The following CMIP variants were observed in gnomAD, a reference collection of about 807,000 sequenced individuals.
The protein encoded by CMIP is C-Maf-inducing protein.
CMIP carries 13 observed loss-of-function variants against 97.3 expected under a neutral mutation model. That is an observed-to-expected ratio of 0.13 (90% CI 0.09 to 0.21). The LOEUF is 0.21. Among genes scored for constraint, CMIP ranks in the 10% least tolerant of loss-of-function variants. The pLI, the probability that CMIP is intolerant of heterozygous loss-of-function variation, is 1.00. For missense variants in CMIP, 847 were observed against 1,024.9 expected, an observed-to-expected ratio of 0.83 and a Z score of 2.37; for synonymous variants, 538 against 436.3, an observed-to-expected ratio of 1.23 and a Z score of -2.91.
chr16:81,500,134 G>A (rs2089570003), intron 1 of CMIP, among the ~76,000 whole-genome samples: 1 of 151,672 alleles, frequency 6.6e-6, no homozygotes, highest in Non-Finnish European at 1.5e-5. Context: ...CCAGCCTCTG[G>A]CGACTTTTAG....
intron 17 of CMIP, 96 bp downstream of exon 17, chr16:81,702,765 G>A: frequency 9.2e-7 from 1 of 1,085,628 alleles, no homozygotes; most frequent in Non-Finnish European, 1.4e-6. Context: ...TGAGATGGGA[G>A]GTGATGGAGG....
chr16:81,456,507 TAC>T (rs1377444985), intron 1 of CMIP, among the ~76,000 whole-genome samples: 3 of 152,198 alleles, frequency 2.0e-5, no homozygotes, highest in Non-Finnish European at 4.4e-5. Flanking sequence ...AGTGAGCACT[TAC>T]CCAGAACCTG....
chr16:81,596,615 C>G (rs1053302559), intron 1 of CMIP, among the ~76,000 whole-genome samples: 8 of 152,092 alleles, frequency 5.3e-5, no homozygotes, highest in African/African-American at 1.9e-4. Flanking sequence ...CCCTGTATCA[C>G]CAACAGCCAG....
At chr16:81,458,937 CCAT>C (rs753646867) in intron 1 of CMIP, among the ~76,000 whole-genome samples, 85 of 137,254 alleles carry the variant, frequency 6.2e-4, no homozygotes, top group African/African-American at 1.6e-3. Flanking sequence ...ATGTTTGCTA[CCAT>C]CATCATCATC....
At chr16:81,571,615 A>G (rs1369262785) in intron 1 of CMIP, among the ~76,000 whole-genome samples, 1 of 149,976 alleles carries the variant, frequency 6.7e-6, no homozygotes, top group Non-Finnish European at 1.5e-5. Flanking sequence ...AAAAAAATTA[A>G]GAAAAGAAAA....
chr16:81,537,081 A>G (rs1437457925), intron 1 of CMIP, among the ~76,000 whole-genome samples: 1 of 152,164 alleles, frequency 6.6e-6, no homozygotes, highest in Non-Finnish European at 1.5e-5. Context: ...TGACTTTAAG[A>G]GTAAGTTGCT....
At chr16:81,664,792 C>G (rs896043274) in intron 7 of CMIP, 16 of 316,662 alleles carry the variant, frequency 5.1e-5, no homozygotes, top group Non-Finnish European at 8.6e-5. Flanking sequence ...GCCAGGTGAT[C>G]AAGGTCAACA....
At chr16:81,631,489 A>G (rs2092158309) in intron 3 of CMIP, 1 of 152,224 alleles carries the variant, frequency 6.6e-6, no homozygotes, top group South Asian at 2.1e-4. Context: ...AAGAGTTACC[A>G]TTCACCTGGG....
chr16:81,678,306 C>G lies in CMIP; in HGVS notation c.1066C>G (p.Arg356Gly). ...RDNSPSLKEI[R>G]NGCQQPCDRK... ...CAATTCCCCAAGCCTGAAGGAAATC[C>G]GGAACGGCTGCCAGCAGCCGTGCGA... Residue 356 changes from arginine (R) to glycine (G), a missense_variant, in exon 10 of 21, where the codon CGG becomes GGG. Arg to Gly is a moderately radical substitution (Grantham distance 125). Transcript: ENST00000537098. The G allele has an allele frequency of 6.2e-7, 1 of 1,606,692 alleles. No individual in the cohort carries two copies. Among genetic ancestry groups the G allele is most frequent in the South Asian group, 1.1e-5 (1 of 90,816 alleles).
intron 1 of CMIP, among the ~76,000 whole-genome samples, chr16:81,582,592 C>T (rs1458164999): frequency 3.9e-5 from 6 of 152,096 alleles, no homozygotes; most frequent in African/African-American, 1.4e-4. Flanking sequence ...AGACCACTTT[C>T]CAGCAAACAC....
chr16:81,570,342 G>C (rs932381643), intron 1 of CMIP, among the ~76,000 whole-genome samples: 1 of 152,154 alleles, frequency 6.6e-6, no homozygotes, highest in Non-Finnish European at 1.5e-5. Flanking sequence ...GTAGACTTCC[G>C]GGATGGCTGT....
intron 1 of CMIP, among the ~76,000 whole-genome samples, chr16:81,539,125 G>T (rs1209131176): frequency 6.6e-6 from 1 of 152,204 alleles, no homozygotes; most frequent in African/African-American, 2.4e-5. Context: ...TATTAGCTGG[G>T]GATATCCCTT....
intron 3 of CMIP, among the ~76,000 whole-genome samples, chr16:81,625,453 C>T (rs944377618): frequency 1.3e-5 from 2 of 152,264 alleles, no homozygotes; most frequent in African/African-American, 4.8e-5. Context: ...AGGCCAAGCC[C>T]TGTGGTGACA....
Position 81,652,829 on chromosome 16 carries a change from G to C in CMIP, c.639+465G>C, listed in dbSNP as rs974873493. ...AAAAACAATCAGAAAATCCAGCCGC[G>C]GTTTGCAGCTGGTGCTACCTGATGC... On this transcript the variant is annotated intron_variant, in intron 4 of 20. Transcript: ENST00000537098. This position sits in a 1 kb window ranked among gnomAD's most constrained non-coding sequence, Gnocchi z 5.2. Among the ~76,000 whole-genome samples the C allele has an allele frequency of 3.9e-5, 6 of 152,182 alleles. No individual in the cohort carries two copies. Among genetic ancestry groups the C allele is most frequent in the Non-Finnish European group, 8.8e-5 (6 of 68,026 alleles).
At chr16:81,448,053 A>G (rs184937648) in intron 1 of CMIP, among the ~76,000 whole-genome samples, 53 of 152,362 alleles carry the variant, frequency 3.5e-4, no homozygotes, top group African/African-American at 1.3e-3. Flanking sequence ...ACAAAGGTGA[A>G]TTTGAGTGCA....
chr16:81,699,323 G>A (rs1196290654), intron 14 of CMIP, among the ~76,000 whole-genome samples: 1 of 152,194 alleles, frequency 6.6e-6, no homozygotes, highest in East Asian at 1.9e-4. Flanking sequence ...ATTCTAGTCA[G>A]CTTTTATTGC....
intron 1 of CMIP, chr16:81,520,335 C>A (rs1176183196): frequency 2.6e-5 from 4 of 152,210 alleles, no homozygotes; most frequent in Non-Finnish European, 5.9e-5. Flanking sequence ...CAGGATCCCA[C>A]TTCTTGAACA....
chr16:81,479,701 C>A (rs1908142728), intron 1 of CMIP, among the ~76,000 whole-genome samples: 1 of 152,076 alleles, frequency 6.6e-6, no homozygotes, highest in Non-Finnish European at 1.5e-5. Context: ...GTGAAGAATT[C>A]AGTGATATTT....
intron 1 of CMIP, among the ~76,000 whole-genome samples, chr16:81,595,021 G>C (rs187696234): frequency 4.0e-4 from 59 of 146,774 alleles, no homozygotes; most frequent in African/African-American, 1.5e-3. Flanking sequence ...TACAATAAAG[G>C]TAATATCATG....
Sources: allele counts gnomAD v4.1 joint callset (sites outside exome capture counted in the v4.1 genomes callset), GRCh38; gene constraint gnomAD v4.1.1; non-coding constraint Gnocchi (gnomAD v3.1); transcripts MANE v1.5; gene names NCBI Gene and HGNC (gene_info 2026-07-23, HGNC 2026-07-21).